IKBKB-DT: variants seen among roughly 807,000 people sequenced by gnomAD.
IKBKB-DT encodes IKBKB divergent transcript, also known as IKBKB antisense RNA.
chr8:42,250,855 C>A (rs1257630402), intron 3 of IKBKB-DT, among the ~76,000 whole-genome samples: 1 of 152,150 alleles, frequency 6.6e-6, no homozygotes, highest in Admixed American at 6.6e-5. Flanking sequence ...TGTACTCCAG[C>A]CTGGGCAACA....
intron 3 of IKBKB-DT, among the ~76,000 whole-genome samples, chr8:42,260,827 C>G (rs1422337923): frequency 6.6e-6 from 1 of 151,994 alleles, no homozygotes; most frequent in Admixed American, 6.6e-5. Flanking sequence ...TGACTGAAGA[C>G]CAAAGCCATA....
chr8:42,269,346 AAAAGG>A (rs938430704), intron 1 of IKBKB-DT, among the ~76,000 whole-genome samples: 17 of 146,264 alleles, frequency 1.2e-4, no homozygotes, highest in Non-Finnish European at 2.3e-4. Context: ...AAAAGGAAAG[AAAAGG>A]AAAGGAAAGG....
chr8:42,263,801 T>C (rs1807326587), intron 2 of IKBKB-DT, among the ~76,000 whole-genome samples: 1 of 151,962 alleles, frequency 6.6e-6, no homozygotes, highest in South Asian at 2.1e-4. Flanking sequence ...CCCTTACAAA[T>C]GGAGACGCGT....
chr8:42,253,464 G>C (rs1257884020), intron 3 of IKBKB-DT, among the ~76,000 whole-genome samples: 1 of 152,152 alleles, frequency 6.6e-6, no homozygotes, highest in Admixed American at 6.6e-5. Flanking sequence ...TTCATGAAAA[G>C]AGCAGTTTGT....
chr8:42,242,241 A>T (rs1001215401), intron 3 of IKBKB-DT, among the ~76,000 whole-genome samples: 3 of 151,674 alleles, frequency 2.0e-5, no homozygotes, highest in Non-Finnish European at 2.9e-5. Flanking sequence ...ATAAATATTT[A>T]AAAATAGACA....
intron 1 of IKBKB-DT, among the ~76,000 whole-genome samples, chr8:42,269,024 G>A (rs1193766911): frequency 6.6e-6 from 1 of 151,758 alleles, no homozygotes; most frequent in Admixed American, 6.6e-5. Flanking sequence ...GAGTAATCAA[G>A]AAATACCAGG....
chr8:42,239,572 G>T (rs1298417300), intron 3 of IKBKB-DT, among the ~76,000 whole-genome samples: 1 of 128,902 alleles, frequency 7.8e-6, no homozygotes, highest in Non-Finnish European at 1.6e-5. Context: ...ACTTTCTTTT[G>T]AATGGTTTCA....
exon 3 of IKBKB-DT, chr8:42,263,413 A>G (rs1042319618): frequency 6.6e-6 from 1 of 152,168 alleles, no homozygotes; most frequent in Non-Finnish European, 1.5e-5. Context: ...GGTCACCGAA[A>G]CTGTAGGGGC....
At chr8:42,269,321 A>G (rs1189148367) in intron 1 of IKBKB-DT, among the ~76,000 whole-genome samples, 2 of 149,646 alleles carry the variant, frequency 1.3e-5, no homozygotes, top group Non-Finnish European at 3.0e-5. Flanking sequence ...CCCTGTCAAG[A>G]AAGAAAAAAG....
chr8:42,249,196 C>G (rs1054907591), intron 3 of IKBKB-DT: 1 of 151,736 alleles, frequency 6.6e-6, no homozygotes, highest in Non-Finnish European at 1.5e-5. Flanking sequence ...CAGGGGACCC[C>G]ATCTCTACAA....
chr8:42,257,603 A>G (rs976852999), intron 3 of IKBKB-DT, among the ~76,000 whole-genome samples: 2 of 151,984 alleles, frequency 1.3e-5, no homozygotes, highest in African/African-American at 4.8e-5. Flanking sequence ...GGTCAAAAAC[A>G]CTTCATGTAG....
At chr8:42,262,114 T>C (rs1807296735) in intron 3 of IKBKB-DT, among the ~76,000 whole-genome samples, 1 of 144,620 alleles carries the variant, frequency 6.9e-6, no homozygotes, top group African/African-American at 2.6e-5. Flanking sequence ...TGATTTCTCC[T>C]GCTAATGTGA....
chr8:42,252,056 G>A (rs751279004), intron 3 of IKBKB-DT, among the ~76,000 whole-genome samples: 3 of 152,170 alleles, frequency 2.0e-5, no homozygotes, highest in Non-Finnish European at 4.4e-5. Context: ...ATAGGAAAAG[G>A]CTACCTGGAG....
chr8:42,257,592 A>G (rs920397368), intron 3 of IKBKB-DT, among the ~76,000 whole-genome samples: 12 of 152,120 alleles, frequency 7.9e-5, no homozygotes, highest in African/African-American at 2.9e-4. Flanking sequence ...AGTTAGCTCA[A>G]GGTCAAAAAC....
chr8:42,259,472 G>C (rs1449400156), intron 3 of IKBKB-DT, among the ~76,000 whole-genome samples: 1 of 152,026 alleles, frequency 6.6e-6, no homozygotes, highest in African/African-American at 2.4e-5. Context: ...AAATATCTAG[G>C]TATGCAGTAA....
At chr8:42,253,496 AG>A (rs1221847181) in intron 3 of IKBKB-DT, among the ~76,000 whole-genome samples, 1 of 152,184 alleles carries the variant, frequency 6.6e-6, no homozygotes, top group Admixed American at 6.6e-5. Context: ...CCAAGTCAGA[AG>A]GGTTGGAAAA....
chr8:42,237,268 G>A (rs1380717810), intron 3 of IKBKB-DT, among the ~76,000 whole-genome samples: 2 of 151,862 alleles, frequency 1.3e-5, no homozygotes, highest in African/African-American at 4.8e-5. Context: ...TGTATTTTTA[G>A]TAGAGACTGG....
chr8:42,248,697 G>T (rs1807092199), intron 3 of IKBKB-DT, among the ~76,000 whole-genome samples: 1 of 151,894 alleles, frequency 6.6e-6, no homozygotes, highest in South Asian at 2.1e-4. Flanking sequence ...TGGCCAACAT[G>T]GTGAAACCCT....
chr8:42,248,139 A>C (rs1304348333), intron 3 of IKBKB-DT, among the ~76,000 whole-genome samples: 1 of 152,048 alleles, frequency 6.6e-6, no homozygotes, highest in Admixed American at 6.6e-5. Context: ...TCCACCAGTA[A>C]GTTTCCCGAG....
Sources: gnomAD v4.1 joint callset for allele counts (sites outside exome capture counted in the v4.1 genomes callset) on GRCh38, gnomAD v4.1.1 for gene constraint, MANE v1.5 for transcripts, NCBI Gene and HGNC (gene_info 2026-07-23, HGNC 2026-07-21) for gene names.